WWOX: variants seen among roughly 807,000 people sequenced by gnomAD.
The protein encoded by WWOX is WW domain-containing oxidoreductase.
A neutral mutation model predicts 46.2 loss-of-function variants in WWOX; 69 were observed. That is an observed-to-expected ratio of 1.49 (90% confidence interval 1.23 to 1.82). WWOX has a LOEUF of 1.82. Ranked by LOEUF, WWOX falls within the 40% of genes most tolerant of loss-of-function variation. WWOX has a pLI of 0.00. For missense variants in WWOX, 919 were observed against 542.6 expected (o/e 1.69, Z -6.89); for synonymous variants, 359 against 202.6 (o/e 1.77, Z -6.56).
At chr16:78,211,151 G>A (rs1483714439) in intron 5 of WWOX, among the ~76,000 whole-genome samples, 1 of 152,176 alleles carries the variant, frequency 6.6e-6, no homozygotes. Flanking sequence ...TGGCCCTAGT[G>A]CAGCTCAGTG....
rs543310127 is a variant in WWOX, at chr16:78,403,610, C to CCCAGGTATTAT, written c.605+16663_605+16673dup. Among the ~76,000 whole-genome samples the CCCAGGTATTAT allele has an allele frequency of 4.7e-4, 72 of 152,240 alleles. 3 individuals carry two copies. The East Asian group carries it at 0.014, about 29-fold the overall frequency. ...GGTTGCATTTTATGTATTCAGGAGG[C>CCCAGGTATTAT]CCAGGTATTATTTTAATAGAAGCAC... is the stretch of plus-strand genomic sequence containing the variant. On this transcript the variant is annotated intron_variant, in intron 6 of 8. Transcript: ENST00000566780.
chr16:78,457,520 T>C (rs1050092861), intron 8 of WWOX, among the ~76,000 whole-genome samples: 2 of 152,116 alleles, frequency 1.3e-5, no homozygotes, highest in Non-Finnish European at 2.9e-5. Context: ...ATCTTTTTTT[T>C]CCCCAAATGC....
intron 8 of WWOX, among the ~76,000 whole-genome samples, chr16:78,476,592 A>G (rs1407267532): frequency 3.5e-5 from 5 of 144,256 alleles, no homozygotes; most frequent in Non-Finnish European, 7.5e-5. Flanking sequence ...GTACCCTAGA[A>G]CTGAAAATAT....
At chr16:78,354,888 C>CT (rs1346118463) in intron 5 of WWOX, among the ~76,000 whole-genome samples, 7 of 152,090 alleles carry the variant, frequency 4.6e-5, no homozygotes, top group Non-Finnish European at 8.8e-5. Context: ...AATCCCAACA[C>CT]TTTTGGAGGC....
intron 5 of WWOX, among the ~76,000 whole-genome samples, chr16:78,364,672 C>G (rs1170835145): frequency 7.5e-6 from 1 of 133,920 alleles, no homozygotes; most frequent in Admixed American, 7.2e-5. Flanking sequence ...CTCTATAATA[C>G]AGAACATAAT....
intron 8 of WWOX, among the ~76,000 whole-genome samples, chr16:79,150,769 G>A (rs1192400251): frequency 1.3e-5 from 2 of 152,150 alleles, no homozygotes; most frequent in Non-Finnish European, 2.9e-5. Context: ...GGCCTCCTGG[G>A]TAGCCGGGAC....
intron 8 of WWOX, among the ~76,000 whole-genome samples, chr16:79,007,222 G>A (rs1174873167): frequency 6.6e-6 from 1 of 152,172 alleles, no homozygotes; most frequent in Non-Finnish European, 1.5e-5. Context: ...GTAAGTGTAA[G>A]TTGTGTGGGT....
At chr16:78,825,110 C>T (rs983293914) in intron 8 of WWOX, among the ~76,000 whole-genome samples, 12 of 152,016 alleles carry the variant, frequency 7.9e-5, no homozygotes, top group African/African-American at 1.9e-4. Flanking sequence ...TGCCGGCACT[C>T]GGGGAGGTCA....
intron 8 of WWOX, among the ~76,000 whole-genome samples, chr16:78,507,402 G>A (rs1460162115): frequency 6.6e-6 from 1 of 152,180 alleles, no homozygotes; most frequent in Non-Finnish European, 1.5e-5. Flanking sequence ...TTGCTGAGAA[G>A]TGATAGAATA....
At chr16:79,006,989 G>C (rs775926194) in intron 8 of WWOX, among the ~76,000 whole-genome samples, 1 of 152,046 alleles carries the variant, frequency 6.6e-6, no homozygotes, top group African/African-American at 2.4e-5. Context: ...TCCCTTTGTC[G>C]CGTAACCTAA....
chr16:78,277,821 T>C (rs1345948051), intron 5 of WWOX, among the ~76,000 whole-genome samples: 1 of 152,116 alleles, frequency 6.6e-6, no homozygotes, highest in Admixed American at 6.5e-5. Context: ...CATTTTGAAA[T>C]CTGGAAATTT....
intron 8 of WWOX, among the ~76,000 whole-genome samples, chr16:78,761,659 G>T (rs563353285): frequency 1.3e-5 from 2 of 152,082 alleles, no homozygotes; most frequent in Non-Finnish European, 2.9e-5. Flanking sequence ...GGGCCACCCG[G>T]TTGAGTCTGA....
At chr16:78,755,322 A>G (rs1404169243) in intron 8 of WWOX, among the ~76,000 whole-genome samples, 2 of 152,156 alleles carry the variant, frequency 1.3e-5, no homozygotes, top group East Asian at 1.9e-4. Context: ...AATGTCTTGT[A>G]CATTTCGAGA....
At chr16:78,645,081 C>T (rs1190382433) in intron 8 of WWOX, among the ~76,000 whole-genome samples, 6 of 152,138 alleles carry the variant, frequency 3.9e-5, no homozygotes, top group African/African-American at 1.4e-4. Context: ...TTAAATTCTT[C>T]TCTAAACCCC....
intron 8 of WWOX, among the ~76,000 whole-genome samples, chr16:78,637,491 A>T (rs2151669421): frequency 6.6e-6 from 1 of 152,192 alleles, no homozygotes; most frequent in East Asian, 1.9e-4. Flanking sequence ...TGAGGCTTTT[A>T]AAGATACCCA....
At chr16:79,004,905 C>T (rs576419784) in intron 8 of WWOX, among the ~76,000 whole-genome samples, 1 of 152,174 alleles carries the variant, frequency 6.6e-6, no homozygotes, top group Non-Finnish European at 1.5e-5. Context: ...AATTTCACAG[C>T]TTAATTCTGG....
intron 8 of WWOX, among the ~76,000 whole-genome samples, chr16:78,459,173 G>A (rs560727589): frequency 1.3e-5 from 2 of 152,298 alleles, no homozygotes; most frequent in South Asian, 4.2e-4. Flanking sequence ...TAACCTTAGA[G>A]ATTATCTAGG....
chr16:78,478,001 A>G (rs2084393079), intron 8 of WWOX, among the ~76,000 whole-genome samples: 2 of 152,210 alleles, frequency 1.3e-5, no homozygotes, highest in South Asian at 4.1e-4. Context: ...CTATTTTTTA[A>G]TACCTAACAT....
At chr16:78,134,884 GGATA>G (rs2033734135) in intron 4 of WWOX, among the ~76,000 whole-genome samples, 1 of 152,196 alleles carries the variant, frequency 6.6e-6, no homozygotes, top group Non-Finnish European at 1.5e-5. Flanking sequence ...ATCCCACTGT[GGATA>G]GATACGCAAG....
Sources: allele counts gnomAD v4.1 joint callset (sites outside exome capture counted in the v4.1 genomes callset), GRCh38; gene constraint gnomAD v4.1.1; transcripts MANE v1.5; gene names NCBI Gene and HGNC (gene_info 2026-07-23, HGNC 2026-07-21).